Variants in SPATA7 observed in about 807,000 individuals in gnomAD.
SPATA7 encodes spermatogenesis-associated protein 7.
Under a neutral mutation model 51.8 loss-of-function variants are expected in SPATA7, and 43 were observed. The ratio of observed to expected loss-of-function variants is 0.83; its 90% CI spans 0.65 to 1.07. The LOEUF (loss-of-function observed/expected upper bound fraction) is 1.07. SPATA7 is among the 50% of genes least tolerant of loss of function. The pLI, the probability that SPATA7 is intolerant of heterozygous loss-of-function variation, is 0.00. For missense variants in SPATA7, 683 were observed against 701.3 expected, an observed-to-expected ratio of 0.97 and a Z score of 0.30; for synonymous variants, 230 against 252.8, an observed-to-expected ratio of 0.91 and a Z score of 0.86.
chr14:88,452,549 A>G (rs1386549133), intron 3 of SPATA7, among the ~76,000 whole-genome samples: 1 of 152,110 alleles, frequency 6.6e-6, no homozygotes, highest in African/African-American at 2.4e-5. Context: ...TACAGCAGCA[A>G]TCCATCTCCT....
intron 4 of SPATA7, among the ~76,000 whole-genome samples, chr14:88,461,459 C>T (rs371865714): frequency 4.6e-5 from 7 of 152,130 alleles, no homozygotes; most frequent in African/African-American, 1.4e-4. Flanking sequence ...GATCTCAGAC[C>T]GCTGTGCTAG....
Position 88,416,754 on chromosome 14 carries a change from A to G in SPATA7, c.282A>G (p.Ala94=). ...QRREKLKKEL[A]QCEKEFKLTK... ...GAGAGAAACTCAAAAAGGAATTAGC[A>G]CAATGTGAAAAAGAGTTCAAATTAA... Residue 94 remains alanine (A), a synonymous_variant, in exon 5 of 12, where the codon GCA becomes GCG. Transcript: ENST00000393545. 1 of 1,613,496 alleles carries G rather than the reference A, an allele frequency of 6.2e-7. No homozygotes were observed. The highest frequency in any genetic ancestry group is 8.5e-7 in the Non-Finnish European group (1 of 1,179,612).
At chr14:88,438,748 T>C (rs1337127718), downstream of SPATA7, among the ~76,000 whole-genome samples, 3 of 152,238 alleles carry the variant, frequency 2.0e-5, no homozygotes, top group Non-Finnish European at 4.4e-5. Flanking sequence ...CTTCGTTGTC[T>C]TGCTGACCAG....
intron 4 of SPATA7, among the ~76,000 whole-genome samples, chr14:88,413,497 A>G (rs1473314093): frequency 2.6e-5 from 4 of 152,156 alleles, no homozygotes; most frequent in African/African-American, 7.2e-5. Context: ...CAGGAAAGAG[A>G]TAATTTGACT....
chr14:88,454,044 A>G (rs922380112), intron 3 of SPATA7, among the ~76,000 whole-genome samples: 1 of 152,178 alleles, frequency 6.6e-6, no homozygotes, highest in Non-Finnish European at 1.5e-5. Flanking sequence ...CAAACCCTCA[A>G]GTTTCTCCCG....
intron 3 of SPATA7, among the ~76,000 whole-genome samples, chr14:88,452,570 C>G (rs1045464629): frequency 6.6e-6 from 1 of 152,178 alleles, no homozygotes; most frequent in Non-Finnish European, 1.5e-5. Context: ...TCTGTCTGCT[C>G]AATTCTCTTG....
At chr14:88,416,409 C>CTTTTTTTT (rs536916579) in intron 4 of SPATA7, 2 of 120,714 alleles carry the variant, frequency 1.7e-5, no homozygotes, top group Non-Finnish European at 3.2e-5. Context: ...TGTTGGCATT[C>CTTTTTTTT]TTTTTTTTTT....
Position 88,469,816 on chromosome 14 carries a change from C to A in SPATA7, c.255-31C>A. On this transcript the variant is annotated intron_variant, in intron 4 of 4. Coordinates refer to the SPATA7 transcript ENST00000556406. The surrounding 1 kb of genome is among the most constrained non-coding windows in gnomAD (Gnocchi z 4.3). Reference sequence around the variant, plus strand: ...CATAGACGGCACATCTGAAACAGAACCACAACCCTACCCTGCCTTTTTCTC... The same window carrying A: ...CATAGACGGCACATCTGAAACAGAAACACAACCCTACCCTGCCTTTTTCTC... 1.2e-6 allele frequency: 2 copies of A among 1,601,624 alleles called. No homozygotes were observed. The highest frequency in any genetic ancestry group is 1.7e-6 in the Non-Finnish European group (2 of 1,168,936).
rs1045831807 is a variant in SPATA7, at chr14:88,469,040, G to A, written c.255-807G>A. On this transcript the variant is annotated intron_variant, in intron 4 of 4. Transcript: ENST00000556406. The surrounding 1 kb of genome is among the most constrained non-coding windows in gnomAD (Gnocchi z 4.3). ...GCTTTGGGGATCACTTGTGCTATTT[G>A]TATGGCGTCGAACAGACTGGATCTC... 2.5e-6 allele frequency: 4 copies of A among 1,614,012 alleles called. No homozygotes were observed. Among genetic ancestry groups the A allele is most frequent in the African/African-American group, 1.3e-5 (1 of 74,924 alleles).
Position 88,438,075 on chromosome 14 carries a change from T to G in SPATA7, c.1453T>G (p.Phe485Val). 2 of 1,614,154 alleles carry G rather than the reference T, an allele frequency of 1.2e-6. No individual in the cohort carries two copies. Among genetic ancestry groups the G allele is most frequent in the Non-Finnish European group, 1.7e-6 (2 of 1,180,018 alleles). ...GGCACCAAAGGATGAGAACGAGATA[T>G]TCCCTTCACCAACTGAATTTTTCAT... is the stretch of plus-strand genomic sequence containing the variant. ...LSAPKDENEI[F>V]PSPTEFFMPI... Residue 485 changes from phenylalanine (F) to valine (V), a missense_variant, in exon 12 of 12, where the codon TTC becomes GTC. By Grantham distance (50) the Phe-to-Val change is conservative (BLOSUM62 -1). Transcript: ENST00000393545.
intron 3 of SPATA7, among the ~76,000 whole-genome samples, chr14:88,453,385 T>C (rs749189575): frequency 6.6e-6 from 1 of 152,178 alleles, no homozygotes; most frequent in Non-Finnish European, 1.5e-5. Flanking sequence ...AAATATAAAT[T>C]AACATCATCA....
downstream of SPATA7, among the ~76,000 whole-genome samples, chr14:88,455,573 A>G (rs923672195): frequency 3.2e-4 from 48 of 151,778 alleles, no homozygotes; most frequent in East Asian, 1.5e-3. Flanking sequence ...CCCATTAAAT[A>G]TACACACCTT....
chr14:88,387,092 A>C (rs1314826989), intron 1 of SPATA7, among the ~76,000 whole-genome samples: 4 of 152,258 alleles, frequency 2.6e-5, no homozygotes, highest in Non-Finnish European at 5.9e-5. Flanking sequence ...AAACTAAAGC[A>C]AAAGATCACA....
At chr14:88,437,793 T>C (rs1176072142) in intron 11 of SPATA7, 45 bp from the exon 12 acceptor site, 1 of 1,537,064 alleles carries the variant, frequency 6.5e-7, no homozygotes. Context: ...CAAAATTTAA[T>C]TTGACTCAAT....
chr14:88,396,056 A>T, intron 3 of SPATA7, 100 bp from the exon 4 acceptor site: 1 of 917,968 alleles, frequency 1.1e-6, no homozygotes, highest in Non-Finnish European at 1.8e-6. Context: ...GAAGTATGAT[A>T]AACAGCTGCA....
chr14:88,434,053 A>G (rs2077009771), intron 10 of SPATA7, among the ~76,000 whole-genome samples: 2 of 152,182 alleles, frequency 1.3e-5, no homozygotes, highest in East Asian at 1.9e-4. Flanking sequence ...CTGTATCACA[A>G]TATGAATATA....
At chr14:88,446,654 G>A (rs184521703) in intron 3 of SPATA7, among the ~76,000 whole-genome samples, 3,872 of 151,762 alleles carry the variant, frequency 0.026, 172 homozygotes, top group African/African-American at 0.089. Flanking sequence ...CACTGCTTTG[G>A]ATGCGTCCCA....
intron 3 of SPATA7, among the ~76,000 whole-genome samples, chr14:88,395,775 A>G (rs73321820): frequency 0.035 from 5,368 of 152,130 alleles, 311 homozygotes; most frequent in African/African-American, 0.12. Context: ...CTGTTGATCT[A>G]TATGTCTATC....
intron 5 of SPATA7, among the ~76,000 whole-genome samples, chr14:88,418,404 C>T (rs546069472): frequency 3.3e-5 from 5 of 152,272 alleles, no homozygotes; most frequent in African/African-American, 1.2e-4. Flanking sequence ...CTGCATCCCA[C>T]AAGTTTTGAT....
Sources: gnomAD v4.1 joint callset for allele counts (sites outside exome capture counted in the v4.1 genomes callset) on GRCh38, gnomAD v4.1.1 for gene constraint, Gnocchi (gnomAD v3.1) non-coding constraint, MANE v1.5 for transcripts, NCBI Gene and HGNC (gene_info 2026-07-23, HGNC 2026-07-21) for gene names.